Variants in ADGRL3 observed in about 807,000 individuals in gnomAD.
ADGRL3 encodes calcium-independent alpha-latrotoxin receptor 3.
A neutral mutation model predicts 153.5 loss-of-function variants in ADGRL3; 62 were observed. The observed-to-expected ratio is 0.40, with a 90% CI of 0.33 to 0.50. ADGRL3 has a LOEUF of 0.50. Ranked by LOEUF, ADGRL3 falls within the 20% of genes least tolerant of loss-of-function variation. The pLI is 0.47. For missense variants in ADGRL3, 1,641 were observed against 1,859.4 expected (o/e 0.88, Z 2.16); for synonymous variants, 710 against 672.5 (o/e 1.06, Z -0.86).
chr4:61,699,553 TA>T (rs2095709522), intron 6 of ADGRL3, among the ~76,000 whole-genome samples: 1 of 152,006 alleles, frequency 6.6e-6, no homozygotes, highest in East Asian at 1.9e-4. Context: ...TTGAAGGGCT[TA>T]AAGCCAATTT....
chr4:61,920,619 A>C (rs2098764204), intron 13 of ADGRL3, among the ~76,000 whole-genome samples: 2 of 152,226 alleles, frequency 1.3e-5, no homozygotes, highest in Admixed American at 1.3e-4. Flanking sequence ...TGGAAACTGC[A>C]TGAAATCATC....
chr4:61,265,329 G>A (rs1252523494), intron 1 of ADGRL3, among the ~76,000 whole-genome samples: 2 of 151,884 alleles, frequency 1.3e-5, no homozygotes, highest in Non-Finnish European at 2.9e-5. Context: ...TATTTCTAAG[G>A]TGGGTTTGAT....
chr4:61,902,477 C>A (rs1326469892), intron 11 of ADGRL3, among the ~76,000 whole-genome samples: 1 of 152,166 alleles, frequency 6.6e-6, no homozygotes, highest in Non-Finnish European at 1.5e-5. Flanking sequence ...ACTTCAAATA[C>A]AAACCTAATT....
intron 8 of ADGRL3, among the ~76,000 whole-genome samples, chr4:61,796,736 G>A (rs1408687326): frequency 2.0e-5 from 3 of 151,930 alleles, no homozygotes; most frequent in East Asian, 1.9e-4. Context: ...ATTTTTATTA[G>A]TAATTGTTGA....
intron 5 of ADGRL3, among the ~76,000 whole-genome samples, chr4:61,638,652 G>A (rs1395037427): frequency 6.6e-6 from 1 of 152,036 alleles, no homozygotes; most frequent in Non-Finnish European, 1.5e-5. Context: ...TTTATACACT[G>A]AGTTCCAGTT....
intron 2 of ADGRL3, among the ~76,000 whole-genome samples, chr4:61,419,310 T>C (rs1156988580): frequency 6.6e-6 from 1 of 150,852 alleles, no homozygotes; most frequent in African/African-American, 2.5e-5. Flanking sequence ...AATATTAACA[T>C]TGAAATAAAT....
intron 9 of ADGRL3, among the ~76,000 whole-genome samples, chr4:61,855,926 T>C (rs1036898163): frequency 6.6e-6 from 1 of 152,106 alleles, no homozygotes; most frequent in Non-Finnish European, 1.5e-5. Flanking sequence ...ATTAAGAATA[T>C]TGAAAAAGGA....
At chr4:61,892,992 T>A in intron 10 of ADGRL3, 34 bp downstream of exon 10, 1 of 1,354,638 alleles carries the variant, frequency 7.4e-7, no homozygotes, top group East Asian at 2.8e-5. Flanking sequence ...GTTAAAACTG[T>A]TGTGTTGCTT....
At chr4:61,912,067 A>G (rs185703090) in intron 12 of ADGRL3, among the ~76,000 whole-genome samples, 16 of 152,296 alleles carry the variant, frequency 1.1e-4, no homozygotes, top group African/African-American at 3.6e-4. Context: ...AGTTTCTATC[A>G]TTTGTTTTTT....
intron 8 of ADGRL3, among the ~76,000 whole-genome samples, chr4:61,752,762 G>A (rs1017915903): frequency 7.2e-5 from 11 of 152,004 alleles, no homozygotes; most frequent in Non-Finnish European, 1.0e-4. Context: ...GTGAGACCTC[G>A]TTTCTACAAA....
chr4:61,436,264 C>A (rs2097444191), intron 2 of ADGRL3, among the ~76,000 whole-genome samples: 1 of 152,020 alleles, frequency 6.6e-6, no homozygotes, highest in South Asian at 2.1e-4. Flanking sequence ...GGAAGTATCT[C>A]AACTAGATCC....
intron 19 of ADGRL3, among the ~76,000 whole-genome samples, chr4:61,985,848 A>G (rs554614144): frequency 6.8e-4 from 104 of 151,868 alleles, no homozygotes; most frequent in African/African-American, 2.4e-3. Flanking sequence ...GTGAATTGTA[A>G]TCAAGTCTGT....
At chr4:61,678,876 C>T (rs111631735) in intron 6 of ADGRL3, among the ~76,000 whole-genome samples, 2 of 151,840 alleles carry the variant, frequency 1.3e-5, no homozygotes, top group South Asian at 2.1e-4. Context: ...ATAAATTTAA[C>T]ACGATTTGAA....
rs2098927173 is a variant in ADGRL3 at position 61,946,857 on chromosome 4, A to G, written c.2420-57A>G. 7.8e-6 allele frequency: 10 copies of G among 1,274,938 alleles called. No individual in the cohort carries two copies. The East Asian group carries it at 1.6e-4, about 21-fold the overall frequency. The allele number at this position is 1,274,938 out of a possible 1,614,324, so 79.0% of individuals were successfully genotyped here. A position where few individuals can be genotyped will look rare whatever the true frequency, so the allele number is the denominator to read the frequency against. ...CATGGATTTAATTTTCTATCTCATT[A>G]GTACTAACTAATTTAAGTAGAGTGG... On this transcript the variant is annotated intron_variant, in intron 15 of 26. Coordinates refer to ENST00000683033, the MANE Select transcript of ADGRL3 (RefSeq NM_001387552.1).
chr4:61,856,602 CTCTTTTTTTTTTTTTT>C (rs1561366994), intron 9 of ADGRL3, among the ~76,000 whole-genome samples: 255 of 22,378 alleles, frequency 0.011, 5 homozygotes, highest in African/African-American at 0.026. Flanking sequence ...CTCTCTCTCT[CTCTTTTTTTTTTTTTT>C]TTTTTTTTTT....
At chr4:61,803,822 A>G (rs1189906059) in intron 8 of ADGRL3, among the ~76,000 whole-genome samples, 1 of 152,150 alleles carries the variant, frequency 6.6e-6, no homozygotes, top group Non-Finnish European at 1.5e-5. Flanking sequence ...TTTCACTTCT[A>G]TGACAATTTT....
intron 4 of ADGRL3, among the ~76,000 whole-genome samples, chr4:61,541,351 T>C: frequency 6.7e-6 from 1 of 149,044 alleles, no homozygotes; most frequent in African/African-American, 2.5e-5. Flanking sequence ...TAGAGATTTT[T>C]TTTTTTTTTT....
At chr4:61,818,133 A>T (rs150615516) in intron 9 of ADGRL3, among the ~76,000 whole-genome samples, 3,346 of 152,298 alleles carry the variant, frequency 0.022, 52 homozygotes, top group Non-Finnish European at 0.036. Flanking sequence ...CCTTCTGCCT[A>T]TGAGCCTGTA....
intron 8 of ADGRL3, among the ~76,000 whole-genome samples, chr4:61,739,463 T>C (rs2096558292): frequency 6.6e-6 from 1 of 152,180 alleles, no homozygotes. Context: ...AGTGCTGGGA[T>C]TTCAGGTGGG....
Sources: allele counts gnomAD v4.1 joint callset (sites outside exome capture counted in the v4.1 genomes callset), GRCh38; gene constraint gnomAD v4.1.1; transcripts MANE v1.5; gene names NCBI Gene and HGNC (gene_info 2026-07-23, HGNC 2026-07-21).